Variants in RSRC2 observed in about 807,000 individuals in gnomAD.
The protein encoded by RSRC2 is arginine and serine rich coiled-coil 2.
RSRC2 carries 5 observed loss-of-function variants against 61.3 expected under a neutral mutation model. That is an observed-to-expected ratio of 0.08 (90% CI 0.04 to 0.17). The LOEUF (loss-of-function observed/expected upper bound fraction) is 0.17, where lower values mean the gene tolerates loss of function less well. RSRC2 is among the 10% of genes least tolerant of loss of function. The probability of loss-of-function intolerance (pLI) is 1.00; values close to 1 mark genes in which losing one functional copy is unlikely to be tolerated. For synonymous variants in RSRC2, 202 were observed against 166.5 expected (o/e 1.21, Z -1.64); for missense variants, 381 against 518.8 (o/e 0.73, Z 2.58).
chr12:122,507,896 G>T (rs956866158), intron 8 of RSRC2: 1 of 382,420 alleles, frequency 2.6e-6, no homozygotes, highest in Non-Finnish European at 5.0e-6. Flanking sequence ...TGCATCCCAG[G>T]CTCAAGCGAT....
Position 122,506,740 on chromosome 12 carries a change from C to T in RSRC2, c.1125+94G>A, listed in dbSNP as rs1485692151. 3.9e-6 allele frequency: 3 copies of T among 765,438 alleles called. No homozygotes were observed. In the East Asian group the frequency reaches 7.6e-5, roughly 19 times the overall value. 47.4% of individuals were successfully genotyped at this position (765,438 alleles called of 1,614,324 possible). A position where few individuals can be genotyped will look rare whatever the true frequency, so the allele number is the denominator to read the frequency against. Reference sequence around the variant, plus strand: ...GGGAAAGAACTCAAAAACGCTGACACCTGAGTAAAGACCAGAACTAAGAAA... The same window carrying T: ...GGGAAAGAACTCAAAAACGCTGACATCTGAGTAAAGACCAGAACTAAGAAA... On this transcript the variant is annotated intron_variant, in intron 9 of 9. Coordinates refer to ENST00000331738, the MANE Select transcript of RSRC2 (RefSeq NM_023012.6).
At chr12:122,511,597 T>C (rs1031905129) in intron 6 of RSRC2, among the ~76,000 whole-genome samples, 5 of 152,270 alleles carry the variant, frequency 3.3e-5, no homozygotes, top group African/African-American at 1.2e-4. Flanking sequence ...GACATTCGGA[T>C]AATTTTTTAT....
At chr12:122,514,268 G>GTTT (rs1375191873) in intron 6 of RSRC2, among the ~76,000 whole-genome samples, 46 of 136,066 alleles carry the variant, frequency 3.4e-4, no homozygotes, top group South Asian at 8.9e-4. Flanking sequence ...GTGTGTGTGT[G>GTTT]TGTTTTTTTT....
intron 2 of RSRC2, 39 bp from the exon 3 acceptor site, chr12:122,521,467 T>A (rs770695636): frequency 2.6e-6 from 4 of 1,558,288 alleles, no homozygotes; most frequent in Admixed American, 3.4e-5. Context: ...ATAAACAAAG[T>A]TGGAGAAACA....
Position 122,505,385 on chromosome 12 carries a change from TA to T in RSRC2, c.*141del, listed in dbSNP as rs1168731128. The stretch of plus-strand genomic sequence containing the variant: ...ACTAACACCAGTATCACTGATCTGA[TA>T]TTTACAAAAATTTGTATTTTTCAAT... On this transcript the variant is annotated 3_prime_UTR_variant, in exon 10 of 10. Coordinates refer to ENST00000331738, the MANE Select transcript of RSRC2 (RefSeq NM_023012.6). 7.0e-6 allele frequency: 5 copies of T among 711,166 alleles called. No individual in the cohort carries two copies. The highest frequency in any genetic ancestry group is 1.1e-5 in the Non-Finnish European group (5 of 441,848). The allele number at this position is 711,166 out of a possible 1,614,324, so 44.1% of individuals were successfully genotyped here.
chr12:122,505,473 G>T lies in RSRC2; in HGVS notation c.*54C>A. ...TGCTAGCTGTTTGGTGAACAAGGAC[G>T]TGACATCAGAACAAGAAGTCTATAA... On this transcript the variant is annotated 3_prime_UTR_variant, in exon 10 of 10. Transcript: ENST00000331738. The T allele has an allele frequency of 6.6e-7, 1 of 1,521,228 alleles. No individual in the cohort carries two copies. Among genetic ancestry groups the T allele is most frequent in the Non-Finnish European group, 9.0e-7 (1 of 1,107,596 alleles). The allele number at this position is 1,521,228 out of a possible 1,614,324, so 94.2% of individuals were successfully genotyped here.
intron 6 of RSRC2, among the ~76,000 whole-genome samples, chr12:122,513,441 T>C (rs1230454940): frequency 6.6e-6 from 1 of 151,964 alleles, no homozygotes; most frequent in East Asian, 1.9e-4. Context: ...AAGAACTACA[T>C]TTAAAACTTT....
chr12:122,518,963 C>G lies in RSRC2; in HGVS notation c.274G>C (p.Glu92Gln). ...TCTCTTCCTTTATCAGAAGAATGTT[C>G]TTTGTCATTATGTTCCTCAGACTTA... is the stretch of plus-strand genomic sequence containing the variant. ...KHKSEEHNDK[E>Q]HSSDKGRERL... The change falls in exon 4 of 10, where the codon GAA (glutamate) becomes CAA (glutamine). Residue 92 changes from glutamate to glutamine, a missense_variant. By Grantham distance (29) the Glu-to-Gln change is conservative (BLOSUM62 2). This residue lies in a region of RSRC2 where 266 missense variants were observed against 270.5 expected (regional missense o/e 0.98). Coordinates refer to ENST00000331738, the MANE Select transcript of RSRC2 (RefSeq NM_023012.6). 1.9e-6 allele frequency: 3 copies of G among 1,613,692 alleles called. No individual in the cohort carries two copies. The highest frequency in any genetic ancestry group is 2.5e-6 in the Non-Finnish European group (3 of 1,179,684).
intron 3 of RSRC2, 116 bp from the exon 4 acceptor site, chr12:122,519,145 C>T: frequency 2.7e-6 from 2 of 746,858 alleles, no homozygotes; most frequent in Non-Finnish European, 4.3e-6. Context: ...GAGTGTGTGG[C>T]AAATAAAAAA....
Position 122,522,207 on chromosome 12 carries a change from A to G in RSRC2, c.99T>C (p.Pro33=). The stretch of plus-strand genomic sequence containing the variant: ...TTGAATAATGATGTTTTGAAGCTCT[A>G]GGAGAAACAGATACTTCTGACTGCT... ...KKEQSEVSVS[P]RASKHHYSRS... is the part of the protein sequence containing the mutation. The change falls in exon 2 of 10, where the codon CCT becomes CCC. Residue 33 remains proline, a synonymous_variant. Coordinates refer to ENST00000331738, the MANE Select transcript of RSRC2 (RefSeq NM_023012.6). 6.2e-7 allele frequency: 1 copy of G among 1,614,060 alleles called. No homozygotes were observed. Among genetic ancestry groups the G allele is most frequent in the Non-Finnish European group, 8.5e-7 (1 of 1,179,984 alleles).
In RSRC2 at chr12:122,525,712, C is replaced by G. The variant is rs568208217; in HGVS notation, c.6+1136G>C. Among the ~76,000 whole-genome samples, 8 of 151,932 alleles carry G rather than the reference C, an allele frequency of 5.3e-5. No homozygotes were observed. The South Asian group carries it at 8.3e-4, about 16-fold the overall frequency. On this transcript the variant is annotated intron_variant, in intron 1 of 9. Coordinates refer to ENST00000331738, the MANE Select transcript of RSRC2 (RefSeq NM_023012.6). ...GAGGTAAGCACAAAATAATGTGGAT[C>G]CGTCAGAATTGGGTATCTTATACAC...
rs760417077 is a variant in RSRC2 at position 122,511,093 on chromosome 12, G to C, written c.805+16C>G. On this transcript the variant is annotated intron_variant, in intron 7 of 9. Transcript: ENST00000331738. ...AGCTCAAATCGAGATGACTAAAAAA[G>C]AATGAAAAAAATTACCTGCAGCTAT... 5.3e-5 allele frequency: 84 copies of C among 1,572,354 alleles called. No individual in the cohort carries two copies. Among genetic ancestry groups the C allele is most frequent in the Non-Finnish European group, 6.0e-5 (69 of 1,157,570 alleles).
At chr12:122,505,971 G>A (rs1958090596) in intron 9 of RSRC2, among the ~76,000 whole-genome samples, 1 of 152,020 alleles carries the variant, frequency 6.6e-6, no homozygotes. Flanking sequence ...TAGAGACGGG[G>A]TTTCACCACA....
intron 9 of RSRC2, chr12:122,506,532 C>A: frequency 4.1e-6 from 1 of 241,982 alleles, no homozygotes; most frequent in Non-Finnish European, 7.9e-6. Context: ...ACTGCTTGAG[C>A]CTCGAAGTTT....
intron 7 of RSRC2, among the ~76,000 whole-genome samples, chr12:122,508,942 G>A (rs534159818): frequency 3.3e-5 from 5 of 151,710 alleles, no homozygotes; most frequent in Admixed American, 6.6e-5. Context: ...GGCAACAAGA[G>A]CGAAACTCCG....
intron 6 of RSRC2, among the ~76,000 whole-genome samples, chr12:122,513,245 A>AAATAAAT (rs1555213511): frequency 1.6e-4 from 7 of 45,140 alleles, no homozygotes; most frequent in African/African-American, 3.2e-4. Context: ...ATAAATAAAT[A>AAATAAAT]AAATAAAATA....
At chr12:122,514,509 G>C in intron 6 of RSRC2, 1 of 749,386 alleles carries the variant, frequency 1.3e-6, no homozygotes, top group Non-Finnish European at 1.6e-6. Flanking sequence ...CAAGTGATCC[G>C]CCCGCCTCGG....
At chr12:122,516,935 T>C (rs1462302219) in intron 5 of RSRC2, among the ~76,000 whole-genome samples, 1 of 152,164 alleles carries the variant, frequency 6.6e-6, no homozygotes, top group Non-Finnish European at 1.5e-5. Context: ...TCAAAAAATC[T>C]GCTCGCCTCG....
intron 9 of RSRC2, among the ~76,000 whole-genome samples, 170 bp from the exon 10 acceptor site, chr12:122,505,876 TTAAG>T (rs1320284211): frequency 6.6e-6 from 1 of 152,124 alleles, no homozygotes; most frequent in Middle Eastern, 3.2e-3. Context: ...CCTCCTGGGT[TTAAG>T]TAATTCTTAT....
Sources: allele counts gnomAD v4.1 joint callset (sites outside exome capture counted in the v4.1 genomes callset), GRCh38; gene constraint gnomAD v4.1.1; regional missense constraint gnomAD v4.1.1; transcripts MANE v1.5; gene names NCBI Gene and HGNC (gene_info 2026-07-23, HGNC 2026-07-21).